CIT: variants seen among roughly 807,000 people sequenced by gnomAD.
The protein encoded by CIT is citron Rho-interacting kinase.
In CIT, 79 loss-of-function variants were observed where a neutral mutation model predicts 272.7. That is an observed-to-expected ratio of 0.29 (90% CI 0.24 to 0.35). The LOEUF is 0.35. CIT is among the 10% of genes least tolerant of loss of function. The pLI is 1.00. For missense variants in CIT, 1,909 were observed against 2,618.3 expected (o/e 0.73, Z 5.91); for synonymous variants, 948 against 995.6 (o/e 0.95, Z 0.90).
At chr12:119,842,683 A>G (rs925453216) in intron 5 of CIT, among the ~76,000 whole-genome samples, 5 of 152,146 alleles carry the variant, frequency 3.3e-5, no homozygotes, top group African/African-American at 1.2e-4. Context: ...TGTCACCACA[A>G]ATGGGAAATT....
chr12:119,744,965 G>C (rs142263525), intron 23 of CIT, among the ~76,000 whole-genome samples: 2 of 152,064 alleles, frequency 1.3e-5, no homozygotes, highest in African/African-American at 4.8e-5. Flanking sequence ...CAGAGCATCA[G>C]GGAGTTGTGG....
chr12:119,739,734 G>A (rs1045855386), intron 24 of CIT, among the ~76,000 whole-genome samples: 4 of 152,092 alleles, frequency 2.6e-5, no homozygotes, highest in African/African-American at 9.7e-5. Context: ...CAGTTTGCAC[G>A]TATCTCATTT....
At chr12:119,835,064 A>G (rs1166736835) in intron 5 of CIT, among the ~76,000 whole-genome samples, 1 of 152,254 alleles carries the variant, frequency 6.6e-6, no homozygotes, top group Non-Finnish European at 1.5e-5. Flanking sequence ...TACACAGGAA[A>G]AAAATCTTGA....
At chr12:119,841,774 T>A (rs1220519269) in intron 5 of CIT, among the ~76,000 whole-genome samples, 1 of 152,186 alleles carries the variant, frequency 6.6e-6, no homozygotes, top group Non-Finnish European at 1.5e-5. Flanking sequence ...TGGCCCAACT[T>A]CAGCCATGTA....
intron 47 of CIT, among the ~76,000 whole-genome samples, chr12:119,689,756 C>T (rs1250173092): frequency 7.0e-6 from 1 of 142,510 alleles, no homozygotes; most frequent in Non-Finnish European, 1.5e-5. Flanking sequence ...CGGCTCACTG[C>T]AAGCTCCGCC....
At chr12:119,806,957 T>C (rs148044630) in intron 9 of CIT, among the ~76,000 whole-genome samples, 3 of 152,322 alleles carry the variant, frequency 2.0e-5, no homozygotes, top group Middle Eastern at 3.4e-3. Context: ...AATAGCAGAC[T>C]AGATACAGCT....
Position 119,713,014 on chromosome 12 carries a change from A to T in CIT, c.4579+189T>A, listed in dbSNP as rs1957249113. The T allele has an allele frequency of 1.1e-5, 7 of 635,256 alleles. No homozygotes were observed. Among genetic ancestry groups the T allele is most frequent in the Non-Finnish European group, 2.0e-5 (7 of 357,500 alleles). 39.4% of individuals were successfully genotyped at this position (635,256 alleles called of 1,614,324 possible). On this transcript the variant is annotated intron_variant, in intron 35 of 47. Transcript: ENST00000392521. The surrounding 1 kb of genome is among the most constrained non-coding windows in gnomAD (Gnocchi z 5.2). ...CAGGGCAGCGCCCTGCGGGTTCTTC[A>T]GGGGGGAGACCTATAGATGTGAGTA... is the stretch of plus-strand genomic sequence containing the variant.
intron 9 of CIT, among the ~76,000 whole-genome samples, chr12:119,821,358 T>C (rs1460859919): frequency 2.6e-5 from 4 of 152,134 alleles, no homozygotes; most frequent in African/African-American, 4.8e-5. Context: ...GCCACTACAC[T>C]GGGAGCTGGG....
chr12:119,766,954 C>G (rs1158260544), intron 19 of CIT, 133 bp downstream of exon 19: 1 of 476,668 alleles, frequency 2.1e-6, no homozygotes, highest in Non-Finnish European at 3.6e-6. Flanking sequence ...AATCTCTCAC[C>G]ATGGAATAAG....
intron 10 of CIT, among the ~76,000 whole-genome samples, chr12:119,799,155 A>G (rs1390377886): frequency 2.6e-5 from 4 of 152,182 alleles, no homozygotes; most frequent in Non-Finnish European, 5.9e-5. Flanking sequence ...CCAATCTGGT[A>G]TGACTTTGGA....
At position 119,842,625 on chromosome 12, in the gene CIT, T is replaced by C. The variant is rs189625499; in HGVS notation, c.516+7549A>G. On this transcript the variant is annotated intron_variant, in intron 5 of 47. Transcript: ENST00000392521. ...ATTATGACAGAGTTTGCGACAATTT[T>C]CTATAGACCAGAAAACAATAAGCCA... 1.5e-3 allele frequency among the ~76,000 whole-genome samples: 232 copies of C among 152,212 alleles called. 3 individuals are homozygous for C. The highest frequency in any genetic ancestry group is 3.4e-3 in the Middle Eastern group (1 of 294).
intron 4 of CIT, 31 bp downstream of exon 4, chr12:119,857,492 G>T: frequency 6.2e-7 from 1 of 1,611,064 alleles, no homozygotes; most frequent in African/African-American, 1.3e-5. Flanking sequence ...GGTACAGAAA[G>T]TGGAAAAGCA....
At chr12:119,785,608 G>A (rs770321792) in intron 10 of CIT, among the ~76,000 whole-genome samples, 17 of 151,990 alleles carry the variant, frequency 1.1e-4, no homozygotes, top group Non-Finnish European at 1.9e-4. Flanking sequence ...CTGTTGCCCA[G>A]GCTGGAGTGC....
At chr12:119,763,677 C>T (rs954315428) in intron 19 of CIT, among the ~76,000 whole-genome samples, 2 of 152,144 alleles carry the variant, frequency 1.3e-5, no homozygotes, top group African/African-American at 4.8e-5. Flanking sequence ...CCAACCAAAT[C>T]AATAACAAGA....
Position 119,832,725 on chromosome 12 carries a change from AC to A in CIT, c.753+45del, listed in dbSNP as rs780495910. On this transcript the variant is annotated intron_variant, in intron 7 of 47. Coordinates refer to ENST00000392521, the MANE Select transcript of CIT (RefSeq NM_001206999.2). Reference sequence around the variant, plus strand: ...TCCCAAACTTAGGAGGACCAAGAATACTTTTTAGTATAAACTCTATTAAGCT... The same window carrying A: ...TCCCAAACTTAGGAGGACCAAGAATATTTTTAGTATAAACTCTATTAAGCT... 39 of 1,483,956 alleles carry A rather than the reference AC, an allele frequency of 2.6e-5. No individual in the cohort carries two copies. The East Asian group carries it at 3.6e-4, about 14-fold the overall frequency. The allele number at this position is 1,483,956 out of a possible 1,614,324, so 91.9% of individuals were successfully genotyped here.
At chr12:119,714,577 A>G (rs1957346379) in intron 32 of CIT, among the ~76,000 whole-genome samples, 1 of 152,204 alleles carries the variant, frequency 6.6e-6, no homozygotes, top group Admixed American at 6.5e-5. Context: ...GAGCAAATGA[A>G]AAGATGCTCA....
chr12:119,815,221 C>T (rs1967063617), intron 9 of CIT, among the ~76,000 whole-genome samples: 1 of 149,390 alleles, frequency 6.7e-6, no homozygotes, highest in Non-Finnish European at 1.5e-5. Flanking sequence ...ATCATGATAT[C>T]ACCTGTGGCC....
chr12:119,859,805 C>T (rs558299440), intron 3 of CIT, among the ~76,000 whole-genome samples: 2 of 151,484 alleles, frequency 1.3e-5, no homozygotes, highest in East Asian at 3.9e-4. Context: ...CAGAGTGAGA[C>T]TCCGTCTCAA....
At chr12:119,845,943 A>AACACACACACACACACACACAC (rs58381184) in intron 5 of CIT, among the ~76,000 whole-genome samples, 2 of 136,972 alleles carry the variant, frequency 1.5e-5, no homozygotes, top group African/African-American at 5.6e-5. Context: ...TCCATCTCAA[A>AACACACACACACACACACACAC]ACACACACAC....
Sources: allele counts gnomAD v4.1 joint callset (sites outside exome capture counted in the v4.1 genomes callset), GRCh38; gene constraint gnomAD v4.1.1; non-coding constraint Gnocchi (gnomAD v3.1); transcripts MANE v1.5; gene names NCBI Gene and HGNC (gene_info 2026-07-23, HGNC 2026-07-21).